PCDH11Y: variants seen among roughly 807,000 people sequenced by gnomAD.
PCDH11Y encodes protocadherin 11 Y-linked, also known as protocadherin-11 Y-linked.
For synonymous variants in PCDH11Y, 9 were observed against 83.6 expected (o/e 0.11, Z 4.87); for missense variants, 12 against 224.8 (o/e 0.05, Z 6.05).
chrY:5,238,513 G>A, intron 2 of PCDH11Y, among the ~76,000 whole-genome samples: 1 of 33,103 alleles, frequency 3.0e-5, no homozygotes, highest in African/African-American at 1.2e-4. Flanking sequence ...ATAGGCATGG[G>A]CAAGGACTTC....
At chrY:5,354,703 G>A in intron 2 of PCDH11Y, among the ~76,000 whole-genome samples, 1 of 32,561 alleles carries the variant, frequency 3.1e-5, no homozygotes, top group Non-Finnish European at 7.5e-5. Context: ...TAAAATACAT[G>A]TAATATATGC....
intron 2 of PCDH11Y, among the ~76,000 whole-genome samples, chrY:5,386,016 G>C (rs376918743): frequency 8.4e-4 from 28 of 33,389 alleles, no homozygotes; most frequent in South Asian, 2.0e-3. Flanking sequence ...AAACTTGATA[G>C]CTCCTTTTAG....
chrY:5,542,066 A>T, intron 3 of PCDH11Y, among the ~76,000 whole-genome samples: 3 of 32,239 alleles, frequency 9.3e-5, no homozygotes, highest in Non-Finnish European at 2.3e-4. Flanking sequence ...ATACCACTCT[A>T]TCAAGGTTAC....
At chrY:5,241,725 A>G in intron 2 of PCDH11Y, among the ~76,000 whole-genome samples, 1 of 28,440 alleles carries the variant, frequency 3.5e-5, no homozygotes, top group African/African-American at 1.4e-4. Context: ...ATCTATAGCC[A>G]AAAATAATTA....
At chrY:5,368,346 G>C in intron 2 of PCDH11Y, among the ~76,000 whole-genome samples, 1 of 33,645 alleles carries the variant, frequency 3.0e-5, no homozygotes, top group Non-Finnish European at 7.4e-5. Context: ...GGTGCCCTGT[G>C]TCCCAACCTC....
intron 2 of PCDH11Y, among the ~76,000 whole-genome samples, chrY:5,253,814 T>C: frequency 3.0e-5 from 1 of 33,245 alleles, no homozygotes; most frequent in Admixed American, 2.8e-4. Context: ...TCGAAGATTA[T>C]ATCTAAAGTC....
At chrY:5,573,489 G>A in intron 3 of PCDH11Y, 3 of 315,124 alleles carry the variant, frequency 9.5e-6, no homozygotes, top group Non-Finnish European at 1.4e-5. Flanking sequence ...GGAGCACTTG[G>A]AGAAGAAGGG....
intron 4 of PCDH11Y, among the ~76,000 whole-genome samples, chrY:5,612,137 G>A: frequency 1.0e-4 from 3 of 29,867 alleles, no homozygotes; most frequent in African/African-American, 2.7e-4. Context: ...CGTCTTCTGC[G>A]TCGCTCACGC....
chrY:5,664,424 GA>G lies in PCDH11Y; in HGVS notation c.3353-72846del, dbSNP rs2053543136. On this transcript the variant is annotated intron_variant, in intron 4 of 4. Transcript: ENST00000400457. ...GCATAAAAACTAGGGAGGCATAAAAGAATTTACTTTTGTGCATATTGTTCCA... is the reference window on the plus strand; with the variant it reads ...GCATAAAAACTAGGGAGGCATAAAAGATTTACTTTTGTGCATATTGTTCCA... 2.5e-4 allele frequency among the ~76,000 whole-genome samples: 8 copies of G among 32,054 alleles called. No homozygotes were observed. In the East Asian group the frequency reaches 6.6e-3, roughly 26 times the overall value. The allele number at this position is 32,054 out of a possible 37,273, so 86.0% of individuals were successfully genotyped here.
chrY:5,620,059 C>T, intron 4 of PCDH11Y, among the ~76,000 whole-genome samples: 1 of 30,174 alleles, frequency 3.3e-5, no homozygotes, highest in Non-Finnish European at 8.0e-5. Flanking sequence ...CAGAGCATAA[C>T]TGAAGGAGAC....
At chrY:5,468,710 G>A in intron 2 of PCDH11Y, among the ~76,000 whole-genome samples, 1 of 31,296 alleles carries the variant, frequency 3.2e-5, no homozygotes, top group Non-Finnish European at 7.8e-5. Context: ...ATGTAAGAAT[G>A]TAAGTCATTA....
chrY:5,103,667 T>C, downstream of PCDH11Y, among the ~76,000 whole-genome samples: 2 of 32,718 alleles, frequency 6.1e-5, no homozygotes, highest in Non-Finnish European at 1.5e-4. Flanking sequence ...CATTTTTGTA[T>C]ACATTGTAGT....
At chrY:5,464,459 A>G (rs2053306501) in intron 2 of PCDH11Y, among the ~76,000 whole-genome samples, 1 of 30,750 alleles carries the variant, frequency 3.3e-5, no homozygotes, top group Admixed American at 3.1e-4. Flanking sequence ...TTGGTAGGCT[A>G]TGTCAGAGGG....
At chrY:5,640,384 T>G (rs374861785) in intron 4 of PCDH11Y, among the ~76,000 whole-genome samples, 1 of 33,494 alleles carries the variant, frequency 3.0e-5, no homozygotes, top group African/African-American at 1.2e-4. Flanking sequence ...TTTACACAGA[T>G]GTATCAGAGG....
intron 4 of PCDH11Y, among the ~76,000 whole-genome samples, chrY:5,662,628 CTTG>C (rs2053541757): frequency 1.1e-3 from 33 of 31,237 alleles, no homozygotes; most frequent in African/African-American, 3.9e-3. Flanking sequence ...ACGTTAAGAA[CTTG>C]TTAAGAATAC....
intron 2 of PCDH11Y, among the ~76,000 whole-genome samples, chrY:5,226,460 G>C (rs2052960960): frequency 3.8e-5 from 1 of 26,025 alleles, no homozygotes; most frequent in Non-Finnish European, 8.9e-5. Context: ...TATCCCACTT[G>C]TCCATTTTTT....
chrY:5,536,829 C>T (rs35580786), intron 3 of PCDH11Y, among the ~76,000 whole-genome samples: 1 of 32,727 alleles, frequency 3.1e-5, no homozygotes, highest in African/African-American at 1.2e-4. Context: ...GGTATAATTT[C>T]GCCACTTTAT....
chrY:5,509,402 A>G, intron 3 of PCDH11Y, among the ~76,000 whole-genome samples: 1 of 27,919 alleles, frequency 3.6e-5, no homozygotes, highest in African/African-American at 1.4e-4. Context: ...AATGATCTCT[A>G]TGTCAGGAAA....
At chrY:5,497,152 T>C (rs2124687503) in intron 2 of PCDH11Y, among the ~76,000 whole-genome samples, 4 of 33,660 alleles carry the variant, frequency 1.2e-4, no homozygotes, top group Admixed American at 1.1e-3. Context: ...ATCCTTTGGG[T>C]ATATACCCAG....
Sources: allele counts gnomAD v4.1 joint callset (sites outside exome capture counted in the v4.1 genomes callset), GRCh38; gene constraint gnomAD v4.1.1; transcripts MANE v1.5; gene names NCBI Gene and HGNC (gene_info 2026-07-23, HGNC 2026-07-21).